DLGAP2: variants seen among roughly 807,000 people sequenced by gnomAD.
DLGAP2 encodes the protein disks large-associated protein 2.
A neutral mutation model predicts 100.3 loss-of-function variants in DLGAP2; 26 were observed. The observed-to-expected ratio is 0.26, with a 90% CI of 0.19 to 0.36. The LOEUF (loss-of-function observed/expected upper bound fraction) is 0.36, where lower values mean the gene tolerates loss of function less well. DLGAP2 is among the 10% of genes least tolerant of loss of function. DLGAP2 has a pLI of 1.00. For synonymous variants in DLGAP2, 886 were observed against 630.1 expected (o/e 1.41, Z -6.08); for missense variants, 1,858 against 1,453.2 (o/e 1.28, Z -4.53).
chr8:1,494,856 T>C (rs1241136600), intron 3 of DLGAP2, among the ~76,000 whole-genome samples: 1 of 152,158 alleles, frequency 6.6e-6, no homozygotes, highest in Non-Finnish European at 1.5e-5. Flanking sequence ...CACGGAGATC[T>C]AACTCTTCTG....
chr8:1,387,586 G>C (rs1193533829), intron 3 of DLGAP2, among the ~76,000 whole-genome samples: 1 of 152,222 alleles, frequency 6.6e-6, no homozygotes, highest in Non-Finnish European at 1.5e-5. Flanking sequence ...GACGTGGCTA[G>C]AATGGTGAAT....
At chr8:1,104,909 C>A (rs1804706386) in intron 2 of DLGAP2, 1 of 152,274 alleles carries the variant, frequency 6.6e-6, no homozygotes, top group African/African-American at 2.4e-5. Flanking sequence ...CGGCAGCTTC[C>A]TTCTTAGCAG....
At chr8:1,518,617 T>G (rs935639695) in intron 4 of DLGAP2, among the ~76,000 whole-genome samples, 3 of 152,192 alleles carry the variant, frequency 2.0e-5, no homozygotes, top group Non-Finnish European at 4.4e-5. Context: ...GACACCCTTA[T>G]GTTCCTAGTA....
chr8:1,549,791 C>A, intron 5 of DLGAP2, 108 bp downstream of exon 5: 1 of 1,199,730 alleles, frequency 8.3e-7, no homozygotes. Flanking sequence ...TTAGGTTGTG[C>A]AACAGGATGT....
chr8:930,599 C>G (rs1563100504), intron 2 of DLGAP2, among the ~76,000 whole-genome samples: 1 of 152,196 alleles, frequency 6.6e-6, no homozygotes, highest in Non-Finnish European at 1.5e-5. Context: ...CCTGGAGATG[C>G]AGAGAGGGCA....
intron 1 of DLGAP2, among the ~76,000 whole-genome samples, chr8:895,818 C>G (rs1798135654): frequency 1.5e-5 from 2 of 135,386 alleles, no homozygotes; most frequent in Admixed American, 1.5e-4. Flanking sequence ...ATGATAGTGG[C>G]TAGGTAGGTG....
At chr8:1,437,028 G>A (rs1055851464) in intron 3 of DLGAP2, among the ~76,000 whole-genome samples, 1 of 152,028 alleles carries the variant, frequency 6.6e-6, no homozygotes, top group Non-Finnish European at 1.5e-5. Flanking sequence ...CCGGGTCTGC[G>A]TTCAGCCCAG....
At chr8:1,214,549 A>T (rs1798173424) in intron 2 of DLGAP2, among the ~76,000 whole-genome samples, 1 of 152,200 alleles carries the variant, frequency 6.6e-6, no homozygotes, top group South Asian at 2.1e-4. Context: ...AGATCCCAGG[A>T]GTGGAGTAAC....
chr8:1,226,864 A>G (rs1227186741), intron 2 of DLGAP2, among the ~76,000 whole-genome samples: 2 of 152,036 alleles, frequency 1.3e-5, no homozygotes, highest in Admixed American at 1.3e-4. Flanking sequence ...GAGAGAGGAG[A>G]TAACAAATGT....
intron 1 of DLGAP2, among the ~76,000 whole-genome samples, chr8:802,045 G>T (rs1796169816): frequency 6.7e-6 from 1 of 150,228 alleles, no homozygotes; most frequent in Admixed American, 6.6e-5. Flanking sequence ...CATCCTCACG[G>T]CCTGGGGAAC....
At chr8:864,261 G>A (rs1040750659) in intron 1 of DLGAP2, among the ~76,000 whole-genome samples, 16 of 152,126 alleles carry the variant, frequency 1.1e-4, no homozygotes, top group Non-Finnish European at 2.9e-5. Flanking sequence ...AAGCTCTTGT[G>A]TGCTGCTGTG....
chr8:788,222 C>T (rs1420626887), intron 1 of DLGAP2, among the ~76,000 whole-genome samples: 3 of 152,258 alleles, frequency 2.0e-5, no homozygotes, highest in Non-Finnish European at 4.4e-5. Flanking sequence ...TATTTTCTCA[C>T]ACAGCGTCCT....
chr8:1,372,744 G>A (rs1434855936), intron 3 of DLGAP2, among the ~76,000 whole-genome samples: 1 of 152,196 alleles, frequency 6.6e-6, no homozygotes. Flanking sequence ...TATATTTCCA[G>A]TGTTTCATCA....
Position 934,379 on chromosome 8 carries a change from C to T in DLGAP2, c.73+26413C>T, listed in dbSNP as rs1441485479. Among the ~76,000 whole-genome samples, 8 of 152,288 alleles carry T rather than the reference C, an allele frequency of 5.3e-5. No homozygotes were observed. In the East Asian group the frequency reaches 1.5e-3, roughly 29 times the overall value. On this transcript the variant is annotated intron_variant, in intron 2 of 14. Transcript: ENST00000637795. ...GAGGGGAGGGTGAGGGCAGAGACTG[C>T]TGTGGAGACACCTGGCTCTTTGTTT...
intron 3 of DLGAP2, among the ~76,000 whole-genome samples, chr8:1,497,319 C>G (rs1024947819): frequency 2.6e-5 from 4 of 152,182 alleles, no homozygotes; most frequent in Non-Finnish European, 4.4e-5. Context: ...TAGCGTCCAG[C>G]CTCTCCCTGG....
At chr8:1,056,987 G>T (rs921141519) in intron 2 of DLGAP2, among the ~76,000 whole-genome samples, 1 of 152,136 alleles carries the variant, frequency 6.6e-6, no homozygotes, top group Non-Finnish European at 1.5e-5. Flanking sequence ...GAGACAGACC[G>T]TGTTCGTTAG....
intron 3 of DLGAP2, among the ~76,000 whole-genome samples, chr8:1,494,300 A>C (rs778260087): frequency 6.6e-6 from 1 of 152,220 alleles, no homozygotes; most frequent in Non-Finnish European, 1.5e-5. Flanking sequence ...CCGCATTAGC[A>C]TGATTTGGAG....
chr8:1,266,347 A>G (rs1267506720), intron 3 of DLGAP2, among the ~76,000 whole-genome samples: 1 of 152,186 alleles, frequency 6.6e-6, no homozygotes, highest in African/African-American at 2.4e-5. Context: ...ATGAGCGCAG[A>G]TTCACCTGGG....
chr8:1,683,811 T>C (rs1428900147), intron 12 of DLGAP2, among the ~76,000 whole-genome samples: 1 of 132,942 alleles, frequency 7.5e-6, no homozygotes, highest in African/African-American at 2.9e-5. Context: ...GAAATGATCC[T>C]GATTTTCCTT....
Sources: gnomAD v4.1 joint callset for allele counts (sites outside exome capture counted in the v4.1 genomes callset) on GRCh38, gnomAD v4.1.1 for gene constraint, MANE v1.5 for transcripts, NCBI Gene and HGNC (gene_info 2026-07-23, HGNC 2026-07-21) for gene names.